KANSL1: variants seen among roughly 807,000 people sequenced by gnomAD.
KANSL1 encodes the protein KAT8 regulatory NSL complex subunit 1.
A neutral mutation model predicts 103.6 loss-of-function variants in KANSL1; 22 were observed. That is an observed-to-expected ratio of 0.21 (90% CI 0.15 to 0.30). The LOEUF is 0.30. KANSL1 is among the 10% of genes least tolerant of loss of function. The pLI is 1.00. For missense variants in KANSL1, 1,337 were observed against 1,399.8 expected (o/e 0.96, Z 0.72); for synonymous variants, 600 against 527.6 (o/e 1.14, Z -1.88).
At chr17:46,047,829 A>C (rs953886755) in intron 7 of KANSL1, among the ~76,000 whole-genome samples, 9 of 149,574 alleles carry the variant, frequency 6.0e-5, no homozygotes, top group Admixed American at 6.7e-5. Flanking sequence ...CAAAAAAAAA[A>C]CTTACAGACT....
chr17:46,104,142 T>C (rs62061814), intron 2 of KANSL1, among the ~76,000 whole-genome samples: 1 of 152,312 alleles, frequency 6.6e-6, no homozygotes, highest in African/African-American at 2.4e-5. Context: ...GATTGAGATA[T>C]GTTTTAAAAT....
intron 2 of KANSL1, among the ~76,000 whole-genome samples, chr17:46,118,267 C>T (rs1214964318): frequency 6.6e-6 from 1 of 152,168 alleles, no homozygotes; most frequent in African/African-American, 2.4e-5. Flanking sequence ...AGTAAGTTGC[C>T]AGCATTTTAA....
At chr17:46,064,469 C>G (rs930705588) in intron 6 of KANSL1, among the ~76,000 whole-genome samples, 1 of 152,154 alleles carries the variant, frequency 6.6e-6, no homozygotes, top group Non-Finnish European at 1.5e-5. Context: ...GTGGCCTTGT[C>G]TCCTGAAACC....
intron 6 of KANSL1, among the ~76,000 whole-genome samples, chr17:46,059,327 G>C (rs1342320700): frequency 6.6e-6 from 1 of 151,982 alleles, no homozygotes; most frequent in Non-Finnish European, 1.5e-5. Context: ...GATATGCTAA[G>C]AGGAAAGGAG....
intron 4 of KANSL1, among the ~76,000 whole-genome samples, chr17:46,077,179 G>C (rs1424261458): frequency 6.6e-6 from 1 of 152,104 alleles, no homozygotes; most frequent in Non-Finnish European, 1.5e-5. Flanking sequence ...AGCTTCCAGA[G>C]TAGTGAGGAC....
chr17:46,196,229 C>T (rs1041756263), upstream of KANSL1: 3 of 436,458 alleles, frequency 6.9e-6, no homozygotes, highest in Admixed American at 2.5e-5. Flanking sequence ...CAGAGCGAGA[C>T]CATCTCAAAA....
chr17:46,039,688 T>A lies in KANSL1; in HGVS notation c.2203+14A>T. ...CTGATACTCTGGGGGACTTCCCGGC[T>A]CCCTGACACTTACTGGCTGTTGTTA... On this transcript the variant is annotated intron_variant, in intron 8 of 14. Transcript: ENST00000432791. 6.2e-7 allele frequency: 1 copy of A among 1,605,632 alleles called. No homozygotes were observed. The highest frequency in any genetic ancestry group is 1.1e-5 in the South Asian group (1 of 90,158).
At chr17:46,100,570 G>C (rs2042269420) in intron 2 of KANSL1, among the ~76,000 whole-genome samples, 1 of 151,900 alleles carries the variant, frequency 6.6e-6, no homozygotes, top group African/African-American at 2.4e-5. Flanking sequence ...TTTGTTTTTA[G>C]TTCTTTAAAG....
rs1300892115 is a variant in KANSL1 at position 46,223,286 on chromosome 17, G to C, written c.-90+385C>G. The C allele has an allele frequency of 4.6e-5, 7 of 152,634 alleles. No individual in the cohort carries two copies. The East Asian group carries it at 1.4e-3, about 30-fold the overall frequency. 9.5% of individuals were successfully genotyped at this position (152,634 alleles called of 1,614,324 possible). ...ACATGAATCAGCTACTGATTTGCAA[G>C]AGTGGGACACACCCTAGTACCTATG... is the stretch of plus-strand genomic sequence containing the variant. On this transcript the variant is annotated intron_variant, in intron 1 of 14. Coordinates refer to the KANSL1 transcript ENST00000572904.
intron 7 of KANSL1, 55 bp from the exon 8 acceptor site, chr17:46,039,939 T>A: frequency 6.6e-7 from 1 of 1,511,608 alleles, no homozygotes; most frequent in South Asian, 1.2e-5. Flanking sequence ...CTCTCTAGTG[T>A]TCAAGACCTA....
intron 2 of KANSL1, among the ~76,000 whole-genome samples, chr17:46,140,927 T>C (rs1407246695): frequency 6.6e-6 from 1 of 152,166 alleles, no homozygotes; most frequent in African/African-American, 2.4e-5. Flanking sequence ...CTCATGGTAA[T>C]ACAAAATGGT....
intron 1 of KANSL1, among the ~76,000 whole-genome samples, chr17:46,181,433 C>T (rs923570650): frequency 1.0e-4 from 15 of 147,426 alleles, no homozygotes; most frequent in African/African-American, 3.2e-4. Flanking sequence ...GTTCCTCACA[C>T]TTTTTTTTTT....
At chr17:46,185,696 C>T (rs879752955) in intron 1 of KANSL1, among the ~76,000 whole-genome samples, 3,378 of 44,344 alleles carry the variant, frequency 0.076, 57 homozygotes, top group East Asian at 0.46. Flanking sequence ...CATATATACA[C>T]ACACACACAC....
chr17:46,171,730 A>G lies in KANSL1; in HGVS notation c.414T>C (p.Leu138=). ...QPVLEFSLEN[L]RTMNTSGQTA... is the part of the protein sequence containing the mutation. ...TCTGACCACTCGTATTCATGGTTCTAAGATTTTCTAAGGAAAACTCCAAAA... is the reference window on the plus strand; with the variant it reads ...TCTGACCACTCGTATTCATGGTTCTGAGATTTTCTAAGGAAAACTCCAAAA... The change falls in exon 2 of 15, where the codon CTT becomes CTC. Residue 138 remains leucine, a synonymous_variant. Coordinates refer to ENST00000432791, the MANE Select transcript of KANSL1 (RefSeq NM_015443.4). 1 of 1,573,248 alleles carries G rather than the reference A, an allele frequency of 6.4e-7. No homozygotes were observed. Among genetic ancestry groups the G allele is most frequent in the Non-Finnish European group, 8.6e-7 (1 of 1,162,472 alleles).
chr17:46,149,226 C>A (rs1334453487), intron 2 of KANSL1, among the ~76,000 whole-genome samples: 2 of 152,200 alleles, frequency 1.3e-5, no homozygotes, highest in Non-Finnish European at 2.9e-5. Context: ...TGGTCTCGAT[C>A]TCCTGACCTT....
At chr17:46,172,855 T>C (rs894363421) in intron 1 of KANSL1, among the ~76,000 whole-genome samples, 34 of 152,354 alleles carry the variant, frequency 2.2e-4, no homozygotes, top group Middle Eastern at 6.8e-3. Context: ...GGCTTCTTCC[T>C]CTCAGCCTAG....
chr17:46,061,424 A>G (rs1029816602), intron 6 of KANSL1, among the ~76,000 whole-genome samples: 55 of 152,262 alleles, frequency 3.6e-4, no homozygotes, highest in African/African-American at 1.3e-3. Context: ...CTGGGCCAGG[A>G]AAAGAACATA....
intron 6 of KANSL1, among the ~76,000 whole-genome samples, chr17:46,059,378 G>C (rs954263809): frequency 6.6e-5 from 10 of 152,052 alleles, no homozygotes; most frequent in African/African-American, 2.4e-4. Context: ...CAGCACTTTG[G>C]GAGGCTGAGG....
At chr17:46,137,682 T>G (rs1446814641) in intron 2 of KANSL1, among the ~76,000 whole-genome samples, 2 of 151,952 alleles carry the variant, frequency 1.3e-5, no homozygotes, top group African/African-American at 2.4e-5. Context: ...GAGATCATGG[T>G]GAAACCCCGT....
Sources: allele counts gnomAD v4.1 joint callset (sites outside exome capture counted in the v4.1 genomes callset), GRCh38; gene constraint gnomAD v4.1.1; transcripts MANE v1.5; gene names NCBI Gene and HGNC (gene_info 2026-07-23, HGNC 2026-07-21).